The following RBM26 variants were observed in gnomAD, a reference collection of about 807,000 sequenced individuals.
RBM26 encodes the protein RNA-binding protein 26.
In RBM26, 30 loss-of-function variants were observed where a neutral mutation model predicts 123.6. The ratio of observed to expected loss-of-function variants is 0.24; its 90% CI spans 0.18 to 0.33. The LOEUF is 0.33. Ranked by LOEUF, RBM26 falls within the 10% of genes least tolerant of loss-of-function variation. The probability of loss-of-function intolerance (pLI) is 1.00; values close to 1 mark genes in which losing one functional copy is unlikely to be tolerated. For missense variants in RBM26, 947 were observed against 1,203.6 expected (o/e 0.79, Z 3.15); for synonymous variants, 400 against 404.4 (o/e 0.99, Z 0.13).
chr13:79,366,028 C>T (rs765546740), intron 8 of RBM26, 27 bp downstream of exon 8: 11 of 1,602,952 alleles, frequency 6.9e-6, no homozygotes, highest in South Asian at 4.4e-5. Flanking sequence ...TGTTACATTA[C>T]GAATATAAAA....
chr13:79,387,350 A>G (rs927147494), intron 1 of RBM26, among the ~76,000 whole-genome samples: 2 of 152,134 alleles, frequency 1.3e-5, no homozygotes, highest in African/African-American at 4.8e-5. Context: ...TCTGGTTGCT[A>G]TATTTTAAGT....
intron 1 of RBM26, among the ~76,000 whole-genome samples, chr13:79,393,640 T>C (rs2078293343): frequency 6.6e-6 from 1 of 152,176 alleles, no homozygotes; most frequent in South Asian, 2.1e-4. Context: ...TCCCATTCGC[T>C]GTCTGGCTTA....
intron 20 of RBM26, among the ~76,000 whole-genome samples, chr13:79,328,912 C>T (rs916675525): frequency 6.6e-6 from 1 of 151,494 alleles, no homozygotes; most frequent in Non-Finnish European, 1.5e-5. Context: ...AAAATGAGGA[C>T]AAACTACATA....
rs571939322 is a variant in RBM26 at position 79,323,166 on chromosome 13, T to G, written c.2821-704A>C. Among the ~76,000 whole-genome samples the G allele has an allele frequency of 2.6e-3, 390 of 151,656 alleles. 2 individuals are homozygous for G. Among genetic ancestry groups the G allele is most frequent in the African/African-American group, 8.5e-3 (353 of 41,502 alleles). ...AGTCATGTCTAAGTACTTGCTATAT[T>G]AAGTGGCTGGTTTGGAAACTGCATT... On this transcript the variant is annotated intron_variant, in intron 20 of 21. Coordinates refer to ENST00000438737, the MANE Select transcript of RBM26 (RefSeq NM_001366735.2).
intron 1 of RBM26, among the ~76,000 whole-genome samples, chr13:79,381,074 A>G (rs2077037766): frequency 6.6e-6 from 1 of 152,054 alleles, no homozygotes; most frequent in Admixed American, 6.6e-5. Flanking sequence ...AACAATTACT[A>G]ACACTTACTC....
chr13:79,360,107 C>A (rs2074497778), intron 9 of RBM26, among the ~76,000 whole-genome samples: 1 of 151,984 alleles, frequency 6.6e-6, no homozygotes. Flanking sequence ...ATTCACATAA[C>A]TTTTATTATA....
At chr13:79,359,753 C>T in intron 9 of RBM26, 67 bp from the exon 10 acceptor site, 1 of 667,462 alleles carries the variant, frequency 1.5e-6, no homozygotes, top group South Asian at 3.1e-5. Context: ...ATCATAGATA[C>T]CTTCCTCATA....
intron 14 of RBM26, among the ~76,000 whole-genome samples, chr13:79,352,359 A>T (rs1189592187): frequency 6.6e-6 from 1 of 152,108 alleles, no homozygotes; most frequent in Non-Finnish European, 1.5e-5. Flanking sequence ...TTGGGCCTTG[A>T]CTTTAAGATA....
chr13:79,367,430 A>AAAGAAG, intron 6 of RBM26, among the ~76,000 whole-genome samples: 1 of 47,198 alleles, frequency 2.1e-5, no homozygotes, highest in South Asian at 7.1e-4. Context: ...AAAAAAAAAA[A>AAAGAAG]AAGAAGAAGA....
At position 79,320,046 on chromosome 13, in the gene RBM26, T is replaced by C; in HGVS notation, c.*575A>G. Reference sequence around the variant, plus strand: ...CACTTTATTATAACATCTGGATGCATAAGGACTCATGTAAAGCAGTCATAC... The same window carrying C: ...CACTTTATTATAACATCTGGATGCACAAGGACTCATGTAAAGCAGTCATAC... On this transcript the variant is annotated 3_prime_UTR_variant, in exon 22 of 22. Coordinates refer to ENST00000438737, the MANE Select transcript of RBM26 (RefSeq NM_001366735.2). 3.1e-6 allele frequency: 3 copies of C among 970,728 alleles called. No homozygotes were observed. The highest frequency in any genetic ancestry group is 3.7e-6 in the Non-Finnish European group (3 of 821,524). The allele number at this position is 970,728 out of a possible 1,614,324, so 60.1% of individuals were successfully genotyped here. A position where few individuals can be genotyped will look rare whatever the true frequency, so the allele number is the denominator to read the frequency against.
At chr13:79,376,898 T>C (rs548805571) in intron 3 of RBM26, 2 of 152,798 alleles carry the variant, frequency 1.3e-5, no homozygotes, top group Non-Finnish European at 2.9e-5. Flanking sequence ...AATGGTTCAC[T>C]ATGCCTGAAT....
rs1455391945 is a variant in RBM26 at position 79,378,868 on chromosome 13, C to G, written c.111G>C (p.Leu37=). 1.9e-6 allele frequency: 3 copies of G among 1,613,520 alleles called. No individual in the cohort carries two copies. Among genetic ancestry groups the G allele is most frequent in the Non-Finnish European group, 2.5e-6 (3 of 1,179,650 alleles). Residue 37 remains leucine, a synonymous_variant, in exon 2 of 22, where the codon CTG becomes CTC. Transcript: ENST00000438737. The stretch of plus-strand genomic sequence containing the variant: ...CACTTTTGTCTTTCTTTACCAAAGC[C>G]AGAACATATTTTGCTAGGGCGGATG... ...ADPSALAKYV[L]ALVKKDKSEK...
intron 20 of RBM26, among the ~76,000 whole-genome samples, chr13:79,326,392 G>C (rs976921851): frequency 2.6e-5 from 4 of 152,202 alleles, no homozygotes; most frequent in Middle Eastern, 3.4e-3. Context: ...GTGCTCTACA[G>C]GATGCCTACT....
chr13:79,367,132 C>T (rs935806564), intron 6 of RBM26, among the ~76,000 whole-genome samples: 5 of 152,068 alleles, frequency 3.3e-5, no homozygotes, highest in East Asian at 3.9e-4. Flanking sequence ...TCTGGCTGGA[C>T]GTGGTGGCTC....
intron 1 of RBM26, among the ~76,000 whole-genome samples, chr13:79,384,047 G>A (rs2077281381): frequency 6.6e-6 from 1 of 152,110 alleles, no homozygotes; most frequent in African/African-American, 2.4e-5. Context: ...CCAGTGAAAT[G>A]GAGCAAAGTG....
intron 20 of RBM26, among the ~76,000 whole-genome samples, chr13:79,326,541 A>G (rs1245750179): frequency 1.3e-5 from 2 of 152,236 alleles, no homozygotes; most frequent in Non-Finnish European, 2.9e-5. Flanking sequence ...TCTAGATTAA[A>G]AAGATAATTT....
At chr13:79,387,089 T>C (rs2077561061) in intron 1 of RBM26, among the ~76,000 whole-genome samples, 1 of 152,166 alleles carries the variant, frequency 6.6e-6, no homozygotes, top group South Asian at 2.1e-4. Flanking sequence ...AAAATTTATC[T>C]TTAAAAATGA....
chr13:79,351,889 T>A (rs898145352), intron 14 of RBM26, among the ~76,000 whole-genome samples: 1 of 152,096 alleles, frequency 6.6e-6, no homozygotes, highest in African/African-American at 2.4e-5. Flanking sequence ...GGATGCCAGT[T>A]AAGACACTGC....
At chr13:79,341,002 T>C (rs2071281594) in intron 18 of RBM26, 121 bp downstream of exon 18, 5 of 555,360 alleles carry the variant, frequency 9.0e-6, no homozygotes, top group Non-Finnish European at 6.2e-6. Flanking sequence ...TCTCAATATG[T>C]ATGCCAGGGA....
Sources: allele counts gnomAD v4.1 joint callset (sites outside exome capture counted in the v4.1 genomes callset), GRCh38; gene constraint gnomAD v4.1.1; transcripts MANE v1.5; gene names NCBI Gene and HGNC (gene_info 2026-07-23, HGNC 2026-07-21).